Variants in AP2A1 observed in about 807,000 individuals in gnomAD.
AP2A1 encodes AP-2 complex subunit alpha-1.
Under a neutral mutation model 107.3 loss-of-function variants are expected in AP2A1, and 21 were observed. That is an observed-to-expected ratio of 0.20 (90% CI 0.14 to 0.28). The LOEUF is 0.28. Among genes scored for constraint, AP2A1 ranks in the 10% least tolerant of loss-of-function variants. AP2A1 has a pLI of 1.00. For synonymous variants in AP2A1, 602 were observed against 564.8 expected (o/e 1.07, Z -0.93); for missense variants, 873 against 1,307.7 (o/e 0.67, Z 5.13).
chr19:49,801,663 C>T lies in AP2A1; in HGVS notation c.1785+42C>T, dbSNP rs542916736. The T allele has an allele frequency of 7.2e-6, 11 of 1,525,144 alleles. No individual in the cohort carries two copies. In the African/African-American group the frequency reaches 1.3e-4, roughly 17 times the overall value. 94.5% of individuals were successfully genotyped at this position (1,525,144 alleles called of 1,614,324 possible). A position where few individuals can be genotyped will look rare whatever the true frequency, so the allele number is the denominator to read the frequency against. ...CCCACCCCACCCCTCTTGCACACCC[C>T]CTTCCCGCCCTCCCCTCCTCCTGAC... is the stretch of plus-strand genomic sequence containing the variant. On this transcript the variant is annotated intron_variant, in intron 13 of 22. Coordinates refer to ENST00000354293, the MANE Select transcript of AP2A1 (RefSeq NM_130787.3).
chr19:49,781,717 C>A, intron 1 of AP2A1, 40 bp from the exon 2 acceptor site: 1 of 1,557,722 alleles, frequency 6.4e-7, no homozygotes, highest in East Asian at 2.4e-5. Context: ...TGGCTGACTC[C>A]CCAGACCCCT....
intron 1 of AP2A1, among the ~76,000 whole-genome samples, chr19:49,777,225 ACT>A (rs1302406754): frequency 1.3e-5 from 2 of 151,916 alleles, no homozygotes; most frequent in Non-Finnish European, 2.9e-5. Flanking sequence ...ACAGAGCGAG[ACT>A]CTGTCTCAAG....
Position 49,803,098 on chromosome 19 carries a change from C to A in AP2A1, c.2172-9C>A. On this transcript the variant is annotated splice_polypyrimidine_tract_variant and intron_variant, in intron 16 of 22. Coordinates refer to ENST00000354293, the MANE Select transcript of AP2A1 (RefSeq NM_130787.3). ...CACCCCCGTCATCTTGCGCCCCCTG[C>A]CCCCTCAGGTTTGTGTGTAAGAACA... is the stretch of plus-strand genomic sequence containing the variant. 6.2e-7 allele frequency: 1 copy of A among 1,613,922 alleles called. No homozygotes were observed. The highest frequency in any genetic ancestry group is 8.5e-7 in the Non-Finnish European group (1 of 1,179,866).
At chr19:49,780,300 A>T (rs2084660874) in intron 1 of AP2A1, among the ~76,000 whole-genome samples, 1 of 152,228 alleles carries the variant, frequency 6.6e-6, no homozygotes, top group South Asian at 2.1e-4. Context: ...AGAATAATAA[A>T]GAATTGACTT....
chr19:49,788,880 C>T lies in AP2A1; in HGVS notation c.474-3055C>T, dbSNP rs774829096. ...GCAGTGAACGTTTCTGTAGGGTGAG[C>T]GTCTGGGGGCAGCACTGCTGGTCTT... On this transcript the variant is annotated intron_variant, in intron 4 of 22. Transcript: ENST00000354293. The surrounding 1 kb of genome is among the most constrained non-coding windows in gnomAD (Gnocchi z 4.5). Among the ~76,000 whole-genome samples the T allele has an allele frequency of 2.0e-5, 3 of 152,134 alleles. No individual in the cohort carries two copies. Among genetic ancestry groups the T allele is most frequent in the Non-Finnish European group, 4.4e-5 (3 of 68,008 alleles).
intron 1 of AP2A1, among the ~76,000 whole-genome samples, chr19:49,779,487 CAAAA>C (rs370114853): frequency 4.8e-5 from 4 of 83,976 alleles, no homozygotes; most frequent in South Asian, 4.2e-4. Flanking sequence ...GCCTGGGCTA[CAAAA>C]AAAAAAAAAA....
At chr19:49,801,164 T>G in intron 12 of AP2A1, 106 bp downstream of exon 12, 1 of 1,173,350 alleles carries the variant, frequency 8.5e-7, no homozygotes, top group Non-Finnish European at 1.2e-6. Context: ...GCTCCCATCC[T>G]CTCGGCCTCC....
chr19:49,800,196 G>A (rs1555793869), intron 11 of AP2A1, 46 bp downstream of exon 11: 1 of 1,557,868 alleles, frequency 6.4e-7, no homozygotes. Flanking sequence ...ACAGGACCTA[G>A]AGGCAGAGCA....
At position 49,798,935 on chromosome 19, in the gene AP2A1, C is replaced by T. The variant is rs1025192526; in HGVS notation, c.948C>T (p.Leu316=). The T allele has an allele frequency of 1.9e-6, 3 of 1,553,090 alleles. No homozygotes were observed. Among genetic ancestry groups the T allele is most frequent in the South Asian group, 1.2e-5 (1 of 84,134 alleles). Residue 316 remains leucine, a synonymous_variant, in exon 8 of 23, where the codon CTC becomes CTT. Coordinates refer to ENST00000354293, the MANE Select transcript of AP2A1 (RefSeq NM_130787.3). ...CCATCCTCTTCGAGACCATCAGCCTCATCATCCACTATGACAGGTGCCCGC... is the reference window on the plus strand; with the variant it reads ...CCATCCTCTTCGAGACCATCAGCCTTATCATCCACTATGACAGGTGCCCGC... ...KNAILFETIS[L]IIHYDSEPNL...
intron 5 of AP2A1, 119 bp from the exon 6 acceptor site, chr19:49,792,872 A>T (rs2073164063): frequency 1.2e-6 from 1 of 858,548 alleles, no homozygotes; most frequent in Non-Finnish European, 1.8e-6. Flanking sequence ...ACATGTGCAC[A>T]CCCCTAAACC....
In AP2A1 at chr19:49,790,837, A is replaced by G. The variant is rs79914111; in HGVS notation, c.474-1098A>G. 5.1e-3 allele frequency among the ~76,000 whole-genome samples: 776 copies of G among 152,360 alleles called. 4 individuals are homozygous for G. The highest frequency in any genetic ancestry group is 0.016 in the African/African-American group (677 of 41,584). On this transcript the variant is annotated intron_variant, in intron 4 of 22. Transcript: ENST00000354293. ...TCTCAGTTTGTTGTGGAGAGAAGAT[A>G]AACGTGTGAATCCACCCAGAGACCT...
At chr19:49,790,622 A>G (rs2073130414) in intron 4 of AP2A1, among the ~76,000 whole-genome samples, 1 of 151,054 alleles carries the variant, frequency 6.6e-6, no homozygotes, top group Non-Finnish European at 1.5e-5. Context: ...CTGGTCTCCA[A>G]CTCTTGGGCT....
At chr19:49,803,074 AC>A (rs761294082) in intron 16 of AP2A1, 32 bp from the exon 17 acceptor site, 5 of 1,613,382 alleles carry the variant, frequency 3.1e-6, no homozygotes, top group South Asian at 1.1e-5. Flanking sequence ...GCAGACAGGC[AC>A]CCCCGTCATC....
chr19:49,792,263 C>T (rs2073154739), intron 5 of AP2A1, among the ~76,000 whole-genome samples, 199 bp downstream of exon 5: 1 of 144,012 alleles, frequency 6.9e-6, no homozygotes, highest in African/African-American at 2.6e-5. Context: ...CCCACCTCAG[C>T]CCTCACGCCC....
chr19:49,800,954 C>A lies in AP2A1; in HGVS notation c.1456-7C>A. 1.3e-6 allele frequency: 2 copies of A among 1,589,658 alleles called. No homozygotes were observed. The highest frequency in any genetic ancestry group is 1.7e-6 in the Non-Finnish European group (2 of 1,167,846). Reference sequence around the variant, plus strand: ...GTCCTCTCCACGCCCTTCCCCACCCCACTCAGGCGCTCCAGGCCCCTGCCT... The same window carrying A: ...GTCCTCTCCACGCCCTTCCCCACCCAACTCAGGCGCTCCAGGCCCCTGCCT... On this transcript the variant is annotated splice_polypyrimidine_tract_variant and splice_region_variant and intron_variant, in intron 11 of 22. Coordinates refer to ENST00000354293, the MANE Select transcript of AP2A1 (RefSeq NM_130787.3).
At chr19:49,806,502 T>C in intron 22 of AP2A1, 179 bp from the exon 23 acceptor site, 2 of 1,447,212 alleles carry the variant, frequency 1.4e-6, no homozygotes, top group Non-Finnish European at 1.8e-6. Context: ...CTTTCTCTCA[T>C]CTTTTATAAT....
chr19:49,805,486 A>T lies in AP2A1; in HGVS notation c.2378A>T (p.Gln793Leu). The T allele has an allele frequency of 6.4e-7, 1 of 1,553,144 alleles. No homozygotes were observed. The highest frequency in any genetic ancestry group is 8.7e-7 in the Non-Finnish European group (1 of 1,148,666). The change falls in exon 19 of 23, where the codon CAG becomes CTG. Residue 793 changes from glutamine (Q) to leucine (L), a missense_variant. This residue lies in a region of AP2A1 where 416 missense variants were observed against 473.4 expected (regional missense o/e 0.88). Coordinates refer to ENST00000354293, the MANE Select transcript of AP2A1 (RefSeq NM_130787.3). Reference protein sequence around the residue: ...LAVQTKRVAAQVDGGAQVQQV... With the variant: ...LAVQTKRVAALVDGGAQVQQV... The stretch of plus-strand genomic sequence containing the variant: ...GTGCAGACCAAGCGCGTGGCGGCGC[A>T]GGTGGACGGCGGCGCGCAGGTGCAG...
chr19:49,803,384 C>G lies in AP2A1; in HGVS notation c.2344+8C>G. 6.2e-7 allele frequency: 1 copy of G among 1,612,442 alleles called. No homozygotes were observed. Among genetic ancestry groups the G allele is most frequent in the Non-Finnish European group, 8.5e-7 (1 of 1,178,604 alleles). ...CGGGAGACCTCCAGACTCATATCCT[C>G]TCAGGCCCGGCCCAGCCTCCTGCCT... On this transcript the variant is annotated splice_region_variant and intron_variant, in intron 18 of 22. Coordinates refer to ENST00000354293, the MANE Select transcript of AP2A1 (RefSeq NM_130787.3).
rs1235200504 is a variant in AP2A1, at chr19:49,802,131, G to A, written c.2104G>A (p.Ala702Thr). Reference sequence around the variant, plus strand: ...CAGCCTGGGGCCCACCCCCGAGGAGGCCTTCCTCAGGTAGCACCCCCTGGG... The same window carrying A: ...CAGCCTGGGGCCCACCCCCGAGGAGACCTTCCTCAGGTAGCACCCCCTGGG... Reference protein sequence around the residue: ...QPSLGPTPEEAFLSPGPEDIG... With the variant: ...QPSLGPTPEETFLSPGPEDIG... The change falls in exon 15 of 23, where the codon GCC becomes ACC. Residue 702 changes from alanine (A) to threonine (T), a missense_variant. Ala to Thr is a moderately conservative substitution (Grantham distance 58). This residue lies in a region of AP2A1 where 416 missense variants were observed against 473.4 expected (regional missense o/e 0.88). Coordinates refer to ENST00000354293, the MANE Select transcript of AP2A1 (RefSeq NM_130787.3). 23 of 1,567,910 alleles carry A rather than the reference G, an allele frequency of 1.5e-5. No homozygotes were observed. The Admixed American group carries it at 2.7e-4, about 19-fold the overall frequency.
Sources: allele counts gnomAD v4.1 joint callset (sites outside exome capture counted in the v4.1 genomes callset), GRCh38; gene constraint gnomAD v4.1.1; regional missense constraint gnomAD v4.1.1; non-coding constraint Gnocchi (gnomAD v3.1); transcripts MANE v1.5; gene names NCBI Gene and HGNC (gene_info 2026-07-23, HGNC 2026-07-21).